The following SASH3 variants were observed in gnomAD, a reference collection of about 807,000 sequenced individuals.
The protein encoded by SASH3 is SAM and SH3 domain-containing protein 3.
SASH3 carries 7 observed loss-of-function variants against 26.1 expected under a neutral mutation model. The observed-to-expected ratio is 0.27, with a 90% CI of 0.15 to 0.50. The LOEUF (loss-of-function observed/expected upper bound fraction) is 0.50, where lower values mean the gene tolerates loss of function less well. SASH3 is among the 20% of genes least tolerant of loss of function. The probability of loss-of-function intolerance (pLI) is 0.98; values close to 1 mark genes in which losing one functional copy is unlikely to be tolerated. For missense variants in SASH3, 231 were observed against 318.3 expected (o/e 0.73, Z 2.09); for synonymous variants, 138 against 136.8 (o/e 1.01, Z -0.06).
At position 129,788,484 on chromosome X, in the gene SASH3, C is replaced by CAA. The variant is rs1367055363; in HGVS notation, c.211_212dup (p.Leu72SerfsTer9). On this transcript the variant is annotated frameshift_variant, in exon 3 of 8. Transcript: ENST00000356892. LOFTEE classifies it high-confidence loss of function. ...CCCCAGAAGATGCTGGGAAGAGTGG[C>CAA]AAAAAGCTGGGGAAGAAGTGGAGGG... 8.3e-7 allele frequency: 1 copy of CAA among 1,209,496 alleles called. No homozygotes were observed. The highest frequency in any genetic ancestry group is 1.1e-6 in the Non-Finnish European group (1 of 894,731).
intron 2 of SASH3, 67 bp downstream of exon 2, chrX:129,788,137 G>GGGGGGGGGTTGGT: frequency 2.8e-6 from 1 of 354,272 alleles, no homozygotes; most frequent in African/African-American, 2.7e-5. Context: ...GGGTGGGAGG[G>GGGGGGGGGTTGGT]AAGAGGGTGA....
At chrX:129,791,960 T>C (rs1396933550) in intron 4 of SASH3, among the ~76,000 whole-genome samples, 1 of 111,976 alleles carries the variant, frequency 8.9e-6, no homozygotes, top group Non-Finnish European at 1.9e-5. Context: ...AGTTATAAAA[T>C]GAGAAGCCTT....
rs1927304475 is a variant in SASH3, at chrX:129,794,759, T to G, written c.*927T>G. ...GACTTCTCACAAGGCTGATTACAGATGGTCAAACCTGGCTTCCAAGGACAG... is the reference window on the plus strand; with the variant it reads ...GACTTCTCACAAGGCTGATTACAGAGGGTCAAACCTGGCTTCCAAGGACAG... On this transcript the variant is annotated 3_prime_UTR_variant, in exon 8 of 8. Transcript: ENST00000356892. 3 of 111,520 alleles carry G rather than the reference T, an allele frequency of 2.7e-5. No homozygotes were observed. The highest frequency in any genetic ancestry group is 9.8e-5 in the African/African-American group (3 of 30,658). 9.2% of individuals were successfully genotyped at this position (111,520 alleles called of 1,213,427 possible).
At chrX:129,787,795 T>A (rs1927134806) in intron 1 of SASH3, among the ~76,000 whole-genome samples, 180 bp from the exon 2 acceptor site, 1 of 111,156 alleles carries the variant, frequency 9.0e-6, no homozygotes, top group African/African-American at 3.3e-5. Flanking sequence ...GGGTGAAGAA[T>A]GGAATGAAAC....
chrX:129,788,359 C>A, intron 2 of SASH3, 72 bp from the exon 3 acceptor site: 1 of 1,111,044 alleles, frequency 9.0e-7, no homozygotes, highest in East Asian at 3.0e-5. Flanking sequence ...GACCCCAAGG[C>A]CTCTTTTGCC....
In SASH3 at chrX:129,779,988, A is replaced by C. The variant is rs1384379393; in HGVS notation, c.-110A>C. ...ACTGCAGCAGTCAGAGTGGCAGCTG[A>C]AGGCTCGGTTCATGCCGTGCCCCCG... On this transcript the variant is annotated 5_prime_UTR_variant, in exon 1 of 8. Transcript: ENST00000356892. The C allele has an allele frequency of 1.4e-6, 1 of 740,198 alleles. No individual in the cohort carries two copies. Among genetic ancestry groups the C allele is most frequent in the Non-Finnish European group, 2.0e-6 (1 of 497,637 alleles). 61.0% of individuals were successfully genotyped at this position (740,198 alleles called of 1,213,427 possible). A position where few individuals can be genotyped will look rare whatever the true frequency, so the allele number is the denominator to read the frequency against.
chrX:129,794,122 G>A lies in SASH3; in HGVS notation c.*290G>A. ...CAACTGCTCCCCTGCCATGGCCACG[G>A]CCACAGCAAGTGGGGCACTGGGAAA... On this transcript the variant is annotated 3_prime_UTR_variant, in exon 8 of 8. Coordinates refer to ENST00000356892, the MANE Select transcript of SASH3 (RefSeq NM_018990.4). 2.9e-6 allele frequency: 1 copy of A among 344,424 alleles called. No homozygotes were observed. Among genetic ancestry groups the A allele is most frequent in the Non-Finnish European group, 5.1e-6 (1 of 194,719 alleles). The allele number at this position is 344,424 out of a possible 1,213,427, so 28.4% of individuals were successfully genotyped here. A position where few individuals can be genotyped will look rare whatever the true frequency, so the allele number is the denominator to read the frequency against.
chrX:129,787,719 T>G (rs1405989592), intron 1 of SASH3, among the ~76,000 whole-genome samples: 1 of 112,168 alleles, frequency 8.9e-6, no homozygotes. Context: ...AATTTCAGGC[T>G]AAGTCTGAGG....
At chrX:129,792,251 C>G in intron 4 of SASH3, 77 bp from the exon 5 acceptor site, 2 of 1,097,881 alleles carry the variant, frequency 1.8e-6, no homozygotes, top group Non-Finnish European at 2.4e-6. Flanking sequence ...GGCAGGTCCC[C>G]TGGAAGGCAC....
At chrX:129,786,387 G>A (rs190119325) in intron 1 of SASH3, among the ~76,000 whole-genome samples, 2 of 111,830 alleles carry the variant, frequency 1.8e-5, no homozygotes, top group East Asian at 5.6e-4. Flanking sequence ...TGGGGGACAG[G>A]TGATATTGCC....
At chrX:129,781,621 A>T (rs882431) in intron 1 of SASH3, among the ~76,000 whole-genome samples, 1 of 112,044 alleles carries the variant, frequency 8.9e-6, no homozygotes, top group African/African-American at 3.3e-5. Context: ...ACACTTTGAC[A>T]CTGGGACCCT....
chrX:129,786,778 G>A (rs1008675805), intron 1 of SASH3, among the ~76,000 whole-genome samples: 3 of 108,814 alleles, frequency 2.8e-5, no homozygotes, highest in African/African-American at 1.0e-4. Flanking sequence ...GGCAGATCGC[G>A]AGGTCAGGAG....
At chrX:129,789,109 A>AAAAGAATGAAAGAAAG (rs1556001554) in intron 3 of SASH3, among the ~76,000 whole-genome samples, 1 of 39,453 alleles carries the variant, frequency 2.5e-5, no homozygotes, top group Non-Finnish European at 4.0e-5. Context: ...CTCAAAAAAA[A>AAAAGAATGAAAGAAAG]AAAGAAAGAA....
intron 1 of SASH3, among the ~76,000 whole-genome samples, chrX:129,785,692 G>A: frequency 8.9e-6 from 1 of 112,392 alleles, no homozygotes; most frequent in South Asian, 3.6e-4. Context: ...CCGGCCCCAT[G>A]CCTGCCCTCC....
In SASH3 at chrX:129,788,487, A is replaced by C; in HGVS notation, c.210A>C (p.Lys70Asn). The change falls in exon 3 of 8, where the codon AAA (lysine) becomes AAC (asparagine). Residue 70 changes from lysine to asparagine, a missense_variant. Physicochemically the swap from Lys to Asn is moderately conservative, Grantham distance 94 (BLOSUM62 0). Coordinates refer to ENST00000356892, the MANE Select transcript of SASH3 (RefSeq NM_018990.4). The stretch of plus-strand genomic sequence containing the variant: ...CAGAAGATGCTGGGAAGAGTGGCAA[A>C]AAGCTGGGGAAGAAGTGGAGGGCAG... ...PTPEDAGKSG[K>N]KLGKKWRAVI... 1 of 1,211,492 alleles carries C rather than the reference A, an allele frequency of 8.3e-7. No homozygotes were observed.
rs2231132 is a variant in SASH3 at position 129,792,920 on chromosome X, G to A, written c.802-69G>A. ...GGGGACCAGGAAATGACAGCTATGC[G>A]TAGTTGGGGAGGACCTAGGCAGGGG... is the stretch of plus-strand genomic sequence containing the variant. On this transcript the variant is annotated intron_variant, in intron 6 of 7. Coordinates refer to ENST00000356892, the MANE Select transcript of SASH3 (RefSeq NM_018990.4). The A allele has an allele frequency of 1.3e-3, 1,554 of 1,197,066 alleles. 39 individuals carry two copies. The East Asian group carries it at 0.029, about 22-fold the overall frequency.
rs1927252403 is a variant in SASH3, at chrX:129,792,649, T to C, written c.614T>C (p.Ile205Thr). 3.3e-6 allele frequency: 4 copies of C among 1,210,855 alleles called. No homozygotes were observed. The highest frequency in any genetic ancestry group is 4.5e-6 in the Non-Finnish European group (4 of 895,372). The change falls in exon 6 of 8, where the codon ATT becomes ACT. Residue 205 changes from isoleucine (I) to threonine (T), a missense_variant. Transcript: ENST00000356892. ...KLQKGDVIQI[I>T]EKPPVGTWLG... ...CAGAAAGGAGATGTGATCCAGATCA[T>C]TGAAAAGCCACCTGTGGGCACGTGG...
At chrX:129,788,279 A>C in intron 2 of SASH3, 152 bp from the exon 3 acceptor site, 1 of 580,277 alleles carries the variant, frequency 1.7e-6, no homozygotes, top group Non-Finnish European at 2.8e-6. Context: ...TATAGGGCTA[A>C]GGACATGGCT....
chrX:129,793,029 T>C lies in SASH3; in HGVS notation c.842T>C (p.Leu281Pro). Reference protein sequence around the residue: ...STLLLNGYQTLEDFKELRETH... With the variant: ...STLLLNGYQTPEDFKELRETH... The stretch of plus-strand genomic sequence containing the variant: ...CTCCTGCTCAATGGCTACCAGACAC[T>C]GGAAGACTTCAAAGAGCTGCGAGAA... The change falls in exon 7 of 8, where the codon CTG (leucine) becomes CCG (proline). Residue 281 changes from leucine to proline, a missense_variant. Transcript: ENST00000356892. 1 of 1,211,543 alleles carries C rather than the reference T, an allele frequency of 8.3e-7. No individual in the cohort carries two copies. Among genetic ancestry groups the C allele is most frequent in the Non-Finnish European group, 1.1e-6 (1 of 895,465 alleles).
Sources: allele counts gnomAD v4.1 joint callset (sites outside exome capture counted in the v4.1 genomes callset), GRCh38; gene constraint gnomAD v4.1.1; transcripts MANE v1.5; gene names NCBI Gene and HGNC (gene_info 2026-07-23, HGNC 2026-07-21).